LAIR2: variants seen among roughly 807,000 people sequenced by gnomAD.
The protein encoded by LAIR2 is leukocyte-associated immunoglobulin-like receptor 2.
In LAIR2, 14 loss-of-function variants were observed where a neutral mutation model predicts 14.8. That is an observed-to-expected ratio of 0.95 (90% CI 0.62 to 1.48). The LOEUF is 1.48. Ranked by LOEUF, LAIR2 falls within the 40% of genes most tolerant of loss-of-function variation. The pLI is 0.00. For missense variants in LAIR2, 172 were observed against 180.9 expected (o/e 0.95, Z 0.28); for synonymous variants, 75 against 74.5 (o/e 1.01, Z -0.03).
rs368642202 is a variant in LAIR2 at position 54,508,032 on chromosome 19, G to A, written c.212G>A (p.Ser71Asn). The part of the protein sequence containing the change: ...EREDRAKYKD[S>N]YNVFRLGPSE... ...GAGGATAGAGCCAAGTACAAAGATA[G>A]TTATAATGTGTTTCGACTTGGTCCA... Residue 71 changes from serine (S) to asparagine (N), a missense_variant, in exon 3 of 5, where the codon AGT (serine) becomes AAT (asparagine). Ser to Asn is a conservative substitution (Grantham distance 46). Around this residue, in one of 2 missense-constraint regions of LAIR2, gnomAD observed 161 missense variants for 149.0 expected, o/e 1.08. Transcript: ENST00000301202. 1 of 1,614,190 alleles carries A rather than the reference G, an allele frequency of 6.2e-7. No homozygotes were observed. The highest frequency in any genetic ancestry group is 1.7e-5 in the Admixed American group (1 of 60,022).
At chr19:54,503,411 T>C (rs1282124943) in intron 1 of LAIR2, among the ~76,000 whole-genome samples, 1 of 151,186 alleles carries the variant, frequency 6.6e-6, no homozygotes, top group Non-Finnish European at 1.5e-5. Context: ...TGAGCTAAGA[T>C]CGCGCCACTG....
intron 2 of LAIR2, among the ~76,000 whole-genome samples, chr19:54,505,962 A>G (rs1439279021): frequency 6.6e-6 from 1 of 151,578 alleles, no homozygotes; most frequent in Non-Finnish European, 1.5e-5. Flanking sequence ...AGCTAGGATT[A>G]CAGGTGCCTG....
chr19:54,508,292 G>A, intron 3 of LAIR2, 108 bp downstream of exon 3: 2 of 1,138,922 alleles, frequency 1.8e-6, no homozygotes, highest in Non-Finnish European at 2.5e-6. Context: ...GGCCACCGTT[G>A]CCCTCTTCCT....
chr19:54,507,333 TCAC>T (rs2085382917), intron 2 of LAIR2, among the ~76,000 whole-genome samples: 2 of 150,874 alleles, frequency 1.3e-5, no homozygotes, highest in Admixed American at 6.6e-5. Flanking sequence ...TGGGGACCTG[TCAC>T]GGGCTGGGCA....
chr19:54,507,916 G>A lies in LAIR2; in HGVS notation c.96G>A (p.Ser32=), dbSNP rs142699455. Residue 32 remains serine (S), a synonymous_variant, in exon 3 of 5, where the codon TCG becomes TCA. Transcript: ENST00000301202. ...GGGCCCTTCCCAGACCCTCCATCTC[G>A]GCTGAGCCAGGCACTGTGATCTCCC... ...QEGALPRPSI[S]AEPGTVISPG... 2.3e-5 allele frequency: 37 copies of A among 1,613,954 alleles called. No individual in the cohort carries two copies. The East Asian group carries it at 4.9e-4, about 21-fold the overall frequency.
At chr19:54,504,607 T>TTTTG (rs764754726) in intron 2 of LAIR2, among the ~76,000 whole-genome samples, 5 of 152,186 alleles carry the variant, frequency 3.3e-5, no homozygotes, top group South Asian at 2.1e-4. Context: ...AGATGACCTT[T>TTTTG]TTTGTTTGTT....
At chr19:54,503,673 T>G in intron 1 of LAIR2, 27 bp from the exon 2 acceptor site, 1 of 1,613,884 alleles carries the variant, frequency 6.2e-7, no homozygotes, top group Non-Finnish European at 8.5e-7. Flanking sequence ...GCAGTGGGCA[T>G]TTTTCTCACT....
intron 2 of LAIR2, among the ~76,000 whole-genome samples, chr19:54,506,881 A>G (rs1389449478): frequency 1.3e-5 from 2 of 152,234 alleles, no homozygotes; most frequent in African/African-American, 4.8e-5. Flanking sequence ...AGAGTTAATC[A>G]CAATATATCA....
At chr19:54,503,431 G>A (rs142983477) in intron 1 of LAIR2, among the ~76,000 whole-genome samples, 5 of 148,074 alleles carry the variant, frequency 3.4e-5, no homozygotes, top group South Asian at 2.2e-4. Flanking sequence ...GCACTCTAGC[G>A]TGGGCGACAA....
rs771946353 is a variant in LAIR2, at chr19:54,507,876, T to C, written c.71-15T>C. The C allele has an allele frequency of 6.8e-6, 11 of 1,608,566 alleles. No homozygotes were observed. The Admixed American group carries it at 1.5e-4, about 22-fold the overall frequency. On this transcript the variant is annotated splice_polypyrimidine_tract_variant and intron_variant, in intron 2 of 4. Coordinates refer to ENST00000301202, the MANE Select transcript of LAIR2 (RefSeq NM_002288.6). ...CTACAGTGGACGCTGAGATCCTTCT[T>C]TGCTTCCCTCTTAGGGGCCCTTCCC... is the stretch of plus-strand genomic sequence containing the variant.
Position 54,507,622 on chromosome 19 carries a change from G to C in LAIR2, c.71-269G>C, listed in dbSNP as rs558145327. On this transcript the variant is annotated intron_variant, in intron 2 of 4. Coordinates refer to ENST00000301202, the MANE Select transcript of LAIR2 (RefSeq NM_002288.6). Reference sequence around the variant, plus strand: ...GGCATGAAGGGCTCCAGGCTGCTCCGACACTTCCCACGTGACCCTGAGCAA... The same window carrying C: ...GGCATGAAGGGCTCCAGGCTGCTCCCACACTTCCCACGTGACCCTGAGCAA... Among the ~76,000 whole-genome samples, 4 of 152,296 alleles carry C rather than the reference G, an allele frequency of 2.6e-5. No homozygotes were observed. The East Asian group carries it at 5.8e-4, about 22-fold the overall frequency.
chr19:54,503,715 A>T lies in LAIR2; in HGVS notation c.50A>T (p.Gln17Leu), dbSNP rs758876218. ...ALLGLVLCLA[Q>L]TIHTQEGALP... The stretch of plus-strand genomic sequence containing the variant: ...TCTCTTCCAGTGCTCTGCCTGGCCC[A>T]GACCATCCACACGCAGGAGGGTAAG... The change falls in exon 2 of 5, where the codon CAG becomes CTG. Residue 17 changes from glutamine to leucine, a missense_variant. Coordinates refer to ENST00000301202, the MANE Select transcript of LAIR2 (RefSeq NM_002288.6). 1 of 1,614,036 alleles carries T rather than the reference A, an allele frequency of 6.2e-7. No homozygotes were observed. Among genetic ancestry groups the T allele is most frequent in the South Asian group, 1.1e-5 (1 of 91,076 alleles).
chr19:54,506,986 C>T (rs1468038446), intron 2 of LAIR2, among the ~76,000 whole-genome samples: 2 of 151,992 alleles, frequency 1.3e-5, no homozygotes, highest in South Asian at 2.1e-4. Flanking sequence ...CTTGATTCAG[C>T]GATTCCACAG....
At chr19:54,505,409 C>T (rs1422032480) in intron 2 of LAIR2, among the ~76,000 whole-genome samples, 1 of 152,010 alleles carries the variant, frequency 6.6e-6, no homozygotes, top group African/African-American at 2.4e-5. Flanking sequence ...CTCTCTTCAT[C>T]GACTTTTCCT....
chr19:54,509,885 G>T (rs1295074443), intron 4 of LAIR2, among the ~76,000 whole-genome samples: 1 of 151,108 alleles, frequency 6.6e-6, no homozygotes, highest in Non-Finnish European at 1.5e-5. Flanking sequence ...GGAGGACACG[G>T]GGTCATAAGC....
At chr19:54,505,428 C>T (rs1473158564) in intron 2 of LAIR2, among the ~76,000 whole-genome samples, 2 of 152,042 alleles carry the variant, frequency 1.3e-5, no homozygotes, top group Non-Finnish European at 2.9e-5. Context: ...CTGCATCACC[C>T]CCAGGTGACA....
chr19:54,508,154 C>G lies in LAIR2; in HGVS notation c.334C>G (p.His112Asp). The change falls in exon 3 of 5, where the codon CAC (histidine) becomes GAC (aspartate). Residue 112 changes from histidine to aspartate, a missense_variant. His to Asp is a moderately conservative substitution (Grantham distance 81). Around this residue, in one of 2 missense-constraint regions of LAIR2, gnomAD observed 161 missense variants for 149.0 expected, o/e 1.08. Coordinates refer to ENST00000301202, the MANE Select transcript of LAIR2 (RefSeq NM_002288.6). ...TTATAAGCCCCCTGGATGGTCTGAGCACAGTGACTTCCTGGAGCTGCTGGT... is the reference window on the plus strand; with the variant it reads ...TTATAAGCCCCCTGGATGGTCTGAGGACAGTGACTTCCTGGAGCTGCTGGT... ...LYYKPPGWSE[H>D]SDFLELLVKE... The G allele has an allele frequency of 6.2e-7, 1 of 1,613,448 alleles. No individual in the cohort carries two copies. Among genetic ancestry groups the G allele is most frequent in the East Asian group, 2.2e-5 (1 of 44,884 alleles).
Position 54,504,679 on chromosome 19 carries a change from G to A in LAIR2, c.70+944G>A, listed in dbSNP as rs142782894. Among the ~76,000 whole-genome samples the A allele has an allele frequency of 1.8e-3, 267 of 152,074 alleles. 1 individual carries two copies. The highest frequency in any genetic ancestry group is 4.9e-3 in the African/African-American group (203 of 41,456). On this transcript the variant is annotated intron_variant, in intron 2 of 4. Coordinates refer to ENST00000301202, the MANE Select transcript of LAIR2 (RefSeq NM_002288.6). ...GGCTGGAGTGCAATGGCACAATCTC[G>A]GTTCACCGCAAACTCAACTTCTCAA...
At chr19:54,507,147 C>T (rs1266365505) in intron 2 of LAIR2, among the ~76,000 whole-genome samples, 1 of 151,366 alleles carries the variant, frequency 6.6e-6, no homozygotes, top group East Asian at 1.9e-4. Context: ...TTTGACACAA[C>T]CTTCCTGTTT....
Sources: allele counts gnomAD v4.1 joint callset (sites outside exome capture counted in the v4.1 genomes callset), GRCh38; gene constraint gnomAD v4.1.1; regional missense constraint gnomAD v4.1.1; transcripts MANE v1.5; gene names NCBI Gene and HGNC (gene_info 2026-07-23, HGNC 2026-07-21).